Variants in ADGRF1 observed in about 807,000 individuals in gnomAD.
ADGRF1 encodes the protein adhesion G protein-coupled receptor F1.
A neutral mutation model predicts 87.2 loss-of-function variants in ADGRF1; 85 were observed. That is an observed-to-expected ratio of 0.97 (90% CI 0.82 to 1.17). The LOEUF (loss-of-function observed/expected upper bound fraction) is 1.17. Ranked by LOEUF, ADGRF1 falls within the 50% of genes most tolerant of loss-of-function variation. The probability of loss-of-function intolerance (pLI) is 0.00; values close to 1 mark genes in which losing one functional copy is unlikely to be tolerated. For synonymous variants in ADGRF1, 430 were observed against 408.8 expected (o/e 1.05, Z -0.63); for missense variants, 1,169 against 1,077.2 (o/e 1.09, Z -1.19).
Position 47,020,794 on chromosome 6 carries a change from G to C in ADGRF1, c.553-5C>G. ...TCTTTCATATGCTTTTTTAAGCTTAGAAAGAGAACAAAGAACAATGTGTTA... is the reference window on the plus strand; with the variant it reads ...TCTTTCATATGCTTTTTTAAGCTTACAAAGAGAACAAAGAACAATGTGTTA... On this transcript the variant is annotated splice_polypyrimidine_tract_variant and splice_region_variant and intron_variant, in intron 6 of 14. Coordinates refer to ENST00000371253, the MANE Select transcript of ADGRF1 (RefSeq NM_153840.4). 6.2e-7 allele frequency: 1 copy of C among 1,612,468 alleles called. No individual in the cohort carries two copies.
chr6:47,014,391 TC>T, intron 9 of ADGRF1: 2 of 1,085,832 alleles, frequency 1.8e-6, no homozygotes, highest in Non-Finnish European at 2.2e-6. Flanking sequence ...TAGTTGCTGC[TC>T]TACCATCCAT....
chr6:47,037,870 T>C (rs1346830643), intron 1 of ADGRF1, among the ~76,000 whole-genome samples: 2 of 152,122 alleles, frequency 1.3e-5, no homozygotes, highest in African/African-American at 4.8e-5. Flanking sequence ...GTTTGTTTGT[T>C]TGTGTTTTGA....
At chr6:47,028,490 G>A (rs953950314) in intron 2 of ADGRF1, among the ~76,000 whole-genome samples, 1 of 152,170 alleles carries the variant, frequency 6.6e-6, no homozygotes, top group African/African-American at 2.4e-5. Context: ...TCCGAGGTCC[G>A]CTGGATTCCC....
At chr6:47,011,840 A>G (rs1054210446) in intron 10 of ADGRF1, among the ~76,000 whole-genome samples, 167 bp downstream of exon 10, 3 of 152,188 alleles carry the variant, frequency 2.0e-5, no homozygotes, top group African/African-American at 7.2e-5. Context: ...AACACACACT[A>G]TTGATCCCGA....
chr6:47,017,003 C>A (rs971475302), intron 7 of ADGRF1: 1 of 305,580 alleles, frequency 3.3e-6, no homozygotes. Flanking sequence ...ATTATGGGGC[C>A]CCACATTAAA....
intron 9 of ADGRF1, chr6:47,013,683 T>C: frequency 1.0e-6 from 1 of 982,908 alleles, no homozygotes; most frequent in Non-Finnish European, 1.2e-6. Flanking sequence ...TGGCTCTGTG[T>C]CCCCACCCAA....
intron 7 of ADGRF1, chr6:47,019,635 G>C: frequency 2.2e-6 from 1 of 451,526 alleles, no homozygotes; most frequent in Non-Finnish European, 2.9e-6. Context: ...AGTGAGCCGA[G>C]ATCGTGCCAC....
rs1779306055 is a variant in ADGRF1 at position 46,999,633 on chromosome 6, T to C, written c.*589A>G. On this transcript the variant is annotated 3_prime_UTR_variant, in exon 15 of 15. Transcript: ENST00000371253. The stretch of plus-strand genomic sequence containing the variant: ...CATTATTATACTTTCTGATAAATGG[T>C]TACAAAGCTATCTGAAATAGAAGTT... The C allele has an allele frequency of 6.6e-6, 1 of 152,568 alleles. No individual in the cohort carries two copies. The highest frequency in any genetic ancestry group is 2.4e-5 in the African/African-American group (1 of 41,456). The allele number at this position is 152,568 out of a possible 1,614,324, so 9.5% of individuals were successfully genotyped here. A position where few individuals can be genotyped will look rare whatever the true frequency, so the allele number is the denominator to read the frequency against.
At chr6:47,005,773 C>G in intron 13 of ADGRF1, 44 bp downstream of exon 13, 2 of 1,447,790 alleles carry the variant, frequency 1.4e-6, no homozygotes, top group African/African-American at 1.4e-5. Context: ...GAATGCAAAA[C>G]TGGAACTTCA....
chr6:47,032,196 A>T (rs1042793651), intron 1 of ADGRF1, among the ~76,000 whole-genome samples: 2 of 152,182 alleles, frequency 1.3e-5, no homozygotes, highest in Non-Finnish European at 2.9e-5. Context: ...TAAAATAAAA[A>T]AATAAAGATT....
At chr6:47,018,778 A>G in intron 7 of ADGRF1, 1 of 294,284 alleles carries the variant, frequency 3.4e-6, no homozygotes, top group East Asian at 9.2e-5. Flanking sequence ...AAAGAGATTT[A>G]TTTTAAATCA....
chr6:47,022,639 A>C (rs934804258), intron 5 of ADGRF1, among the ~76,000 whole-genome samples: 1 of 152,060 alleles, frequency 6.6e-6, no homozygotes, highest in Non-Finnish European at 1.5e-5. Context: ...CCATCCTCTT[A>C]CATATTCCTA....
chr6:47,028,250 C>CA (rs769745954), intron 2 of ADGRF1, among the ~76,000 whole-genome samples: 1 of 152,040 alleles, frequency 6.6e-6, no homozygotes, highest in Non-Finnish European at 1.5e-5. Flanking sequence ...AGGCAAGAGA[C>CA]AATGAAGGTG....
chr6:47,010,805 G>A (rs1291055882), intron 10 of ADGRF1, among the ~76,000 whole-genome samples: 4 of 152,134 alleles, frequency 2.6e-5, no homozygotes, highest in Non-Finnish European at 4.4e-5. Context: ...TAGTTTTTAT[G>A]TTTCTTGTTT....
rs1315306968 is a variant in ADGRF1 at position 47,024,165 on chromosome 6, G to A, written c.330C>T (p.Thr110=). ...VLQCTCEDSY[T]WFPPSCLDPQ... ...GATCAAGGCATGAGGGAGGAAACCAGGTGTAGCTGTCTTCACAGGTACACT... is the reference window on the plus strand; with the variant it reads ...GATCAAGGCATGAGGGAGGAAACCAAGTGTAGCTGTCTTCACAGGTACACT... Residue 110 remains threonine, a synonymous_variant, in exon 5 of 15, where the codon ACC becomes ACT. Coordinates refer to ENST00000371253, the MANE Select transcript of ADGRF1 (RefSeq NM_153840.4). 1.2e-6 allele frequency: 2 copies of A among 1,613,812 alleles called. No homozygotes were observed. Among genetic ancestry groups the A allele is most frequent in the African/African-American group, 1.3e-5 (1 of 74,914 alleles).
intron 5 of ADGRF1, among the ~76,000 whole-genome samples, chr6:47,022,828 A>G (rs1274401492): frequency 5.7e-5 from 6 of 105,842 alleles, no homozygotes; most frequent in East Asian, 2.5e-4. Flanking sequence ...TTTTTTAGTC[A>G]GGGTCTCACT....
chr6:47,008,410 G>A (rs1368459354), intron 11 of ADGRF1, among the ~76,000 whole-genome samples: 1 of 152,178 alleles, frequency 6.6e-6, no homozygotes, highest in South Asian at 2.1e-4. Flanking sequence ...TAGGCTTTGC[G>A]GGCTATACGG....
chr6:47,004,863 G>A (rs1299142591), intron 13 of ADGRF1, among the ~76,000 whole-genome samples: 1 of 152,164 alleles, frequency 6.6e-6, no homozygotes, highest in Admixed American at 6.6e-5. Flanking sequence ...AATTGGTTAC[G>A]GAGTCAGAAA....
rs746250736 is a variant in ADGRF1, at chr6:47,010,131, G to A, written c.1304C>T (p.Pro435Leu). The A allele has an allele frequency of 6.2e-7, 1 of 1,614,056 alleles. No homozygotes were observed. The highest frequency in any genetic ancestry group is 8.5e-7 in the Non-Finnish European group (1 of 1,180,006). The change falls in exon 11 of 15, where the codon CCA becomes CTA. Residue 435 changes from proline to leucine, a missense_variant. By Grantham distance (98) the Pro-to-Leu change is moderately conservative. Coordinates refer to ENST00000371253, the MANE Select transcript of ADGRF1 (RefSeq NM_153840.4). ...CCTTTTGAGTTGGCTTTTGTTCACT[G>A]GAATCCCTTTCCAGTCAATGAATTT... ...SRKFIDWKGI[P>L]VNKSQLKRGY...
Sources: gnomAD v4.1 joint callset for allele counts (sites outside exome capture counted in the v4.1 genomes callset) on GRCh38, gnomAD v4.1.1 for gene constraint, MANE v1.5 for transcripts, NCBI Gene and HGNC (gene_info 2026-07-23, HGNC 2026-07-21) for gene names.